The following ATP10B variants were observed in gnomAD, a reference collection of about 807,000 sequenced individuals.
ATP10B encodes phospholipid-transporting ATPase VB.
A neutral mutation model predicts 141.2 loss-of-function variants in ATP10B; 122 were observed. The ratio of observed to expected loss-of-function variants is 0.86; its 90% confidence interval spans 0.75 to 1.00. ATP10B has a LOEUF of 1.00. Ranked by LOEUF, ATP10B falls within the 50% of genes least tolerant of loss-of-function variation. ATP10B has a pLI of 0.00. For missense variants in ATP10B, 1,876 were observed against 1,825.3 expected, an observed-to-expected ratio of 1.03 and a Z score of -0.51; for synonymous variants, 685 against 692.0, an observed-to-expected ratio of 0.99 and a Z score of 0.16.
rs1170629163 is a variant in ATP10B, at chr5:160,704,914, C to CTTTTTTTTTTTTTT, written c.-205+11981_-205+11994dup. ...TGCTAGCTTCCAACATTTCTTTCAT[C>CTTTTTTTTTTTTTT]TTTTTTTTTTTTTTTTTTTTTGTTG... On this transcript the variant is annotated intron_variant, in intron 3 of 25. Coordinates refer to ENST00000327245, the MANE Select transcript of ATP10B (RefSeq NM_025153.3). 9.7e-3 allele frequency among the ~76,000 whole-genome samples: 811 copies of CTTTTTTTTTTTTTT among 83,594 alleles called. 69 individuals are homozygous for CTTTTTTTTTTTTTT. Among genetic ancestry groups the CTTTTTTTTTTTTTT allele is most frequent in the African/African-American group, 0.024 (420 of 17,204 alleles). 54.8% of individuals were successfully genotyped at this position (83,594 alleles called of 152,430 possible).
chr5:160,741,672 G>A (rs1767490347), intron 2 of ATP10B, among the ~76,000 whole-genome samples: 1 of 152,166 alleles, frequency 6.6e-6, no homozygotes, highest in Non-Finnish European at 1.5e-5. Flanking sequence ...GAGCCTCTTA[G>A]TGTCTTTATA....
At chr5:160,853,688 A>G (rs1326798893), upstream of ATP10B, among the ~76,000 whole-genome samples, 3 of 152,172 alleles carry the variant, frequency 2.0e-5, no homozygotes, top group Non-Finnish European at 2.9e-5. Context: ...CTGCCTGGAA[A>G]TCGTAAATAC....
At chr5:160,757,942 G>A (rs2127834282) in intron 2 of ATP10B, among the ~76,000 whole-genome samples, 1 of 152,228 alleles carries the variant, frequency 6.6e-6, no homozygotes, top group South Asian at 2.1e-4. Flanking sequence ...TCCCAAGTGT[G>A]GCAACCAAAA....
intron 1 of ATP10B, among the ~76,000 whole-genome samples, chr5:160,816,216 A>AT (rs1207029774): frequency 7.7e-6 from 1 of 130,016 alleles, no homozygotes; most frequent in African/African-American, 2.5e-5. Context: ...CCAGGAGCTG[A>AT]TTTTTTGAAA....
At chr5:160,802,296 A>T (rs1772427297) in intron 1 of ATP10B, among the ~76,000 whole-genome samples, 1 of 152,182 alleles carries the variant, frequency 6.6e-6, no homozygotes, top group Non-Finnish European at 1.5e-5. Flanking sequence ...ATTTGTAAAG[A>T]ATTTGTAAGC....
chr5:160,618,640 G>A (rs1422399391), intron 15 of ATP10B, among the ~76,000 whole-genome samples: 5 of 152,202 alleles, frequency 3.3e-5, no homozygotes, highest in Non-Finnish European at 5.9e-5. Flanking sequence ...CCTTTGTAAA[G>A]TTGTACATAA....
chr5:160,743,485 G>A (rs888999810), intron 2 of ATP10B, among the ~76,000 whole-genome samples: 1 of 152,086 alleles, frequency 6.6e-6, no homozygotes, highest in Admixed American at 6.6e-5. Flanking sequence ...AAAATCTGAC[G>A]AAAGAAGGGA....
intron 3 of ATP10B, among the ~76,000 whole-genome samples, chr5:160,707,381 G>C (rs1445741745): frequency 6.6e-6 from 1 of 152,194 alleles, no homozygotes; most frequent in South Asian, 2.1e-4. Context: ...CAGTGATCTG[G>C]CTTTTTAAGG....
intron 3 of ATP10B, among the ~76,000 whole-genome samples, chr5:160,689,311 C>A (rs749680063): frequency 6.6e-6 from 1 of 152,114 alleles, no homozygotes; most frequent in Non-Finnish European, 1.5e-5. Flanking sequence ...CTTTGGAAAC[C>A]AGCACAAGAC....
intron 8 of ATP10B, 95 bp downstream of exon 8, chr5:160,649,076 G>C: frequency 2.4e-6 from 2 of 821,618 alleles, no homozygotes; most frequent in Non-Finnish European, 4.0e-6. Context: ...AATTCCTCAG[G>C]ATGAAGATGC....
At chr5:160,758,562 T>C (rs1012006446) in intron 2 of ATP10B, among the ~76,000 whole-genome samples, 1 of 152,196 alleles carries the variant, frequency 6.6e-6, no homozygotes, top group Non-Finnish European at 1.5e-5. Context: ...GTCAAGATCA[T>C]TGTATCCTGA....
intron 1 of ATP10B, among the ~76,000 whole-genome samples, chr5:160,827,088 A>T (rs997634965): frequency 6.6e-6 from 1 of 152,018 alleles, no homozygotes; most frequent in African/African-American, 2.4e-5. Context: ...CCCTGTTCCT[A>T]CACCCCCTCC....
chr5:160,687,648 C>T, intron 5 of ATP10B, 152 bp downstream of exon 5: 2 of 925,234 alleles, frequency 2.2e-6, no homozygotes, highest in Admixed American at 5.7e-5. Context: ...GCCTGTGGTC[C>T]CAGCTATTTG....
At chr5:160,893,178 T>C in the ATP10B span, among the ~76,000 whole-genome samples, 20 of 152,062 alleles carry the variant, frequency 1.3e-4, no homozygotes, top group Non-Finnish European at 1.5e-5. Context: ...AAGTGGCACC[T>C]GGAATGCCCG....
the ATP10B span, among the ~76,000 whole-genome samples, chr5:160,913,633 C>G: frequency 6.6e-6 from 1 of 152,096 alleles, no homozygotes; most frequent in East Asian, 1.9e-4. Context: ...CTCAAGGCCC[C>G]TAAGAAGAAA....
At chr5:160,813,470 A>T (rs1773325743) in intron 1 of ATP10B, among the ~76,000 whole-genome samples, 1 of 152,168 alleles carries the variant, frequency 6.6e-6, no homozygotes, top group Non-Finnish European at 1.5e-5. Context: ...TTGAGTAGGT[A>T]AACAAAGCAG....
the ATP10B span, among the ~76,000 whole-genome samples, chr5:160,867,124 G>A: frequency 4.6e-5 from 7 of 151,952 alleles, no homozygotes; most frequent in Non-Finnish European, 1.0e-4. Flanking sequence ...CATTCAGAAA[G>A]TTATTATGAA....
intron 2 of ATP10B, among the ~76,000 whole-genome samples, chr5:160,772,265 C>T (rs184018032): frequency 6.6e-6 from 1 of 152,344 alleles, no homozygotes; most frequent in East Asian, 1.9e-4. Flanking sequence ...TCCCTTTTCT[C>T]CACAAGCTCT....
intron 6 of ATP10B, among the ~76,000 whole-genome samples, chr5:160,675,479 A>T (rs753581922): frequency 3.3e-5 from 5 of 152,174 alleles, no homozygotes; most frequent in Admixed American, 3.3e-4. Flanking sequence ...GGCGAAATAG[A>T]GGGAGGAGAG....
Sources: allele counts gnomAD v4.1 joint callset (sites outside exome capture counted in the v4.1 genomes callset), GRCh38; gene constraint gnomAD v4.1.1; transcripts MANE v1.5; gene names NCBI Gene and HGNC (gene_info 2026-07-23, HGNC 2026-07-21).